Variants in TMEM132D observed in about 807,000 individuals in gnomAD.
The protein encoded by TMEM132D is mature OL transmembrane protein.
Under a neutral mutation model 62.3 loss-of-function variants are expected in TMEM132D, and 21 were observed. The ratio of observed to expected loss-of-function variants is 0.34; its 90% confidence interval spans 0.24 to 0.49. The LOEUF is 0.49. Among genes scored for constraint, TMEM132D ranks in the 20% least tolerant of loss-of-function variants. The pLI is 0.99. For missense variants in TMEM132D, 1,346 were observed against 1,402.8 expected, an observed-to-expected ratio of 0.96 and a Z score of 0.65; for synonymous variants, 621 against 575.6, an observed-to-expected ratio of 1.08 and a Z score of -1.13.
chr12:129,413,618 A>G (rs1566061186), intron 3 of TMEM132D, among the ~76,000 whole-genome samples: 3 of 152,152 alleles, frequency 2.0e-5, no homozygotes, highest in African/African-American at 7.2e-5. Flanking sequence ...TTTTTTGGCA[A>G]GCACCTTCCT....
At chr12:129,520,091 G>T (rs1408411468) in intron 3 of TMEM132D, among the ~76,000 whole-genome samples, 1 of 152,170 alleles carries the variant, frequency 6.6e-6, no homozygotes, top group Non-Finnish European at 1.5e-5. Flanking sequence ...TGTCACCATA[G>T]GTGTGTAAGA....
At chr12:129,449,953 C>T (rs1242158914) in intron 3 of TMEM132D, among the ~76,000 whole-genome samples, 2 of 151,272 alleles carry the variant, frequency 1.3e-5, no homozygotes, top group Non-Finnish European at 2.9e-5. Context: ...TGGTTTTGAT[C>T]TGCATTTCTC....
intron 4 of TMEM132D, among the ~76,000 whole-genome samples, chr12:129,289,943 C>A (rs1018078132): frequency 6.6e-6 from 1 of 152,166 alleles, no homozygotes; most frequent in Admixed American, 6.5e-5. Context: ...AGCCACCCTG[C>A]ACAATGTGCA....
intron 2 of TMEM132D, among the ~76,000 whole-genome samples, chr12:129,555,117 C>G (rs1278230150): frequency 1.3e-5 from 2 of 152,200 alleles, no homozygotes; most frequent in African/African-American, 4.8e-5. Flanking sequence ...TAGCACATTG[C>G]TAAATTGATT....
At chr12:129,392,319 A>G (rs112404003) in intron 3 of TMEM132D, among the ~76,000 whole-genome samples, 3,097 of 151,996 alleles carry the variant, frequency 0.02, 113 homozygotes, top group African/African-American at 0.072. Flanking sequence ...CAGCCTCCCA[A>G]AGTGCTGGGA....
At chr12:129,394,944 A>G (rs538737010) in intron 3 of TMEM132D, among the ~76,000 whole-genome samples, 8 of 152,150 alleles carry the variant, frequency 5.3e-5, no homozygotes, top group Non-Finnish European at 8.8e-5. Flanking sequence ...ACAGTCTTTG[A>G]CTTGTATACT....
chr12:129,692,295 G>A (rs893686487), intron 2 of TMEM132D, among the ~76,000 whole-genome samples: 24 of 152,264 alleles, frequency 1.6e-4, no homozygotes, highest in African/African-American at 5.1e-4. Context: ...AACTAATCAG[G>A]ATAATTCATT....
At chr12:129,378,677 C>T (rs1286657053) in intron 3 of TMEM132D, among the ~76,000 whole-genome samples, 1 of 152,148 alleles carries the variant, frequency 6.6e-6, no homozygotes, top group Non-Finnish European at 1.5e-5. Flanking sequence ...CTCCATTTTT[C>T]CATTCAGCCA....
chr12:129,102,381 GAC>G (rs1875339119), intron 5 of TMEM132D, among the ~76,000 whole-genome samples: 1 of 149,562 alleles, frequency 6.7e-6, no homozygotes, highest in African/African-American at 2.5e-5. Context: ...AGCACATGCA[GAC>G]ACATGCATAC....
At chr12:129,897,607 C>A (rs1283211271) in intron 1 of TMEM132D, among the ~76,000 whole-genome samples, 1 of 152,134 alleles carries the variant, frequency 6.6e-6, no homozygotes, top group East Asian at 1.9e-4. Flanking sequence ...TAGGAGATAA[C>A]CAAACCATTC....
chr12:129,379,778 G>A (rs143005990), intron 3 of TMEM132D, among the ~76,000 whole-genome samples: 16 of 152,220 alleles, frequency 1.1e-4, no homozygotes, highest in Non-Finnish European at 1.6e-4. Flanking sequence ...CTGCAGGAGT[G>A]GTAATTTCTG....
At chr12:129,238,273 C>T (rs4759804) in intron 4 of TMEM132D, among the ~76,000 whole-genome samples, 112,019 of 152,118 alleles carry the variant, frequency 0.74, 41,505 homozygotes, top group Middle Eastern at 0.77. Flanking sequence ...GATATCTGAG[C>T]TTAGTCAATT....
At chr12:129,568,626 G>A (rs1877431590) in intron 2 of TMEM132D, among the ~76,000 whole-genome samples, 1 of 152,190 alleles carries the variant, frequency 6.6e-6, no homozygotes, top group African/African-American at 2.4e-5. Context: ...GAGTGTTTCT[G>A]AAACAAAGTG....
At chr12:129,659,570 A>T (rs1880183278) in intron 2 of TMEM132D, among the ~76,000 whole-genome samples, 1 of 151,046 alleles carries the variant, frequency 6.6e-6, no homozygotes, top group South Asian at 2.1e-4. Context: ...AAGCAATTTG[A>T]TTTTCTTCTA....
At chr12:129,178,780 G>A (rs1476216641) in intron 5 of TMEM132D, among the ~76,000 whole-genome samples, 1 of 152,138 alleles carries the variant, frequency 6.6e-6, no homozygotes, top group African/African-American at 2.4e-5. Context: ...ACATGCTTTT[G>A]CAACCAGGAG....
chr12:129,235,347 C>T (rs147949609), intron 4 of TMEM132D, among the ~76,000 whole-genome samples: 46 of 151,062 alleles, frequency 3.0e-4, no homozygotes, highest in African/African-American at 1.0e-3. Flanking sequence ...ATCACCTCAA[C>T]AAAGTTCATT....
chr12:129,449,883 C>T (rs770859516), intron 3 of TMEM132D, among the ~76,000 whole-genome samples: 9 of 152,104 alleles, frequency 5.9e-5, no homozygotes, highest in African/African-American at 1.4e-4. Flanking sequence ...GAAGTGAGTC[C>T]GTGGGTCTTG....
At chr12:129,326,115 G>A (rs1436545731) in intron 4 of TMEM132D, among the ~76,000 whole-genome samples, 1 of 152,214 alleles carries the variant, frequency 6.6e-6, no homozygotes, top group Non-Finnish European at 1.5e-5. Flanking sequence ...AAGCAAAAAT[G>A]CAGCTCAAGC....
intron 5 of TMEM132D, among the ~76,000 whole-genome samples, chr12:129,163,004 C>T (rs1877443765): frequency 6.6e-6 from 1 of 152,168 alleles, no homozygotes; most frequent in African/African-American, 2.4e-5. Flanking sequence ...CACTGTGTGG[C>T]TGCAAGGTGC....
Sources: allele counts gnomAD v4.1 joint callset (sites outside exome capture counted in the v4.1 genomes callset), GRCh38; gene constraint gnomAD v4.1.1; transcripts MANE v1.5; gene names NCBI Gene and HGNC (gene_info 2026-07-23, HGNC 2026-07-21).